SEPTIN6: variants seen among roughly 807,000 people sequenced by gnomAD.
The protein encoded by SEPTIN6 is septin-6.
Under a neutral mutation model 33.6 loss-of-function variants are expected in SEPTIN6, and 8 were observed. The ratio of observed to expected loss-of-function variants is 0.24; its 90% CI spans 0.14 to 0.43. The LOEUF (loss-of-function observed/expected upper bound fraction) is 0.43, where lower values mean the gene tolerates loss of function less well. Among genes scored for constraint, SEPTIN6 ranks in the 20% least tolerant of loss-of-function variants. The probability of loss-of-function intolerance (pLI) is 1.00; values close to 1 mark genes in which losing one functional copy is unlikely to be tolerated. For missense variants in SEPTIN6, 250 were observed against 340.8 expected (o/e 0.73, Z 2.10); for synonymous variants, 131 against 140.0 (o/e 0.94, Z 0.45).
At chrX:119,641,501 A>G (rs2054159120) in intron 5 of SEPTIN6, among the ~76,000 whole-genome samples, 1 of 112,452 alleles carries the variant, frequency 8.9e-6, no homozygotes, top group South Asian at 3.6e-4. Flanking sequence ...ATAGTATGTG[A>G]TCAAGGGCTC....
At position 119,637,112 on chromosome X, in the gene SEPTIN6, G is replaced by C. The variant is rs1793313458; in HGVS notation, c.871C>G (p.His291Asp). The change falls in exon 7 of 11, where the codon CAC becomes GAC. Residue 291 changes from histidine to aspartate, a missense_variant. Coordinates refer to ENST00000394610, the MANE Select transcript of SEPTIN6 (RefSeq NM_145799.4). ...VNMEDLREQT[H>D]TRHYELYRRC... ...CGATACAGCTCATAGTGCCGGGTGTGGGTCTGCTCCCGCAGATCCTCCATG... is the reference window on the plus strand; with the variant it reads ...CGATACAGCTCATAGTGCCGGGTGTCGGTCTGCTCCCGCAGATCCTCCATG... The C allele has an allele frequency of 1.7e-6, 2 of 1,209,116 alleles. No homozygotes were observed. Among genetic ancestry groups the C allele is most frequent in the African/African-American group, 3.5e-5 (2 of 57,077 alleles).
rs1442422868 is a variant in SEPTIN6, at chrX:119,652,955, A to G, written c.427T>C (p.Tyr143His). The G allele has an allele frequency of 8.3e-7, 1 of 1,209,107 alleles. No homozygotes were observed. Among genetic ancestry groups the G allele is most frequent in the Non-Finnish European group, 1.1e-6 (1 of 893,539 alleles). Residue 143 changes from tyrosine to histidine, a missense_variant, in exon 4 of 11, where the codon TAC becomes CAC. By Grantham distance (83) the Tyr-to-His change is moderately conservative (BLOSUM62 2). Around this residue, in one of 2 missense-constraint regions of SEPTIN6, gnomAD observed 111 missense variants for 113.8 expected, o/e 0.98. Transcript: ENST00000394610. ...ELKIRRVLHTYHDSRIHVCLY... is the reference protein window; with the variant it reads ...ELKIRRVLHTHHDSRIHVCLY... ...CAGACATGGATTCGGGAGTCATGGT[A>G]GGTGTGTAGCACTCTTCGGATCTTT... is the stretch of plus-strand genomic sequence containing the variant.
At position 119,618,536 on chromosome X, in the gene SEPTIN6, G is replaced by A. The variant is rs2053700729; in HGVS notation, c.*1557C>T. 2.1e-6 allele frequency: 2 copies of A among 947,707 alleles called. No individual in the cohort carries two copies. The highest frequency in any genetic ancestry group is 4.1e-5 in the African/African-American group (2 of 48,754). 78.1% of individuals were successfully genotyped at this position (947,707 alleles called of 1,213,427 possible). ...CTTTGAAAGTAAGTGATCAAAAAAAGAAACTCTAAAAAAAAAATAGAAGTA... is the reference window on the plus strand; with the variant it reads ...CTTTGAAAGTAAGTGATCAAAAAAAAAAACTCTAAAAAAAAAATAGAAGTA... On this transcript the variant is annotated 3_prime_UTR_variant, in exon 11 of 11. Coordinates refer to ENST00000394610, the MANE Select transcript of SEPTIN6 (RefSeq NM_145799.4).
Position 119,661,303 on chromosome X carries a change from A to C in SEPTIN6, c.341+2179T>G, listed in dbSNP as rs778575244. On this transcript the variant is annotated intron_variant, in intron 3 of 10. Coordinates refer to ENST00000394610, the MANE Select transcript of SEPTIN6 (RefSeq NM_145799.4). The stretch of plus-strand genomic sequence containing the variant: ...AAAATTAGCTGGGTGTGGTGGCACG[A>C]GCCTGTAGTCCCAGCTACTCGGGAG... Among the ~76,000 whole-genome samples the C allele has an allele frequency of 2.0e-4, 21 of 104,965 alleles. No homozygotes were observed. In the South Asian group the frequency reaches 8.8e-3, roughly 44 times the overall value. The allele number at this position is 104,965 out of a possible 115,157, so 91.1% of individuals were successfully genotyped here. A position where few individuals can be genotyped will look rare whatever the true frequency, so the allele number is the denominator to read the frequency against.
chrX:119,629,693 C>A (rs2053925823), intron 8 of SEPTIN6, among the ~76,000 whole-genome samples, 185 bp from the exon 9 acceptor site: 1 of 111,685 alleles, frequency 9.0e-6, no homozygotes, highest in Admixed American at 9.6e-5. Flanking sequence ...GTTCTCTCTT[C>A]CTGCCATTTT....
rs778622773 is a variant in SEPTIN6, at chrX:119,651,769, C to T, written c.528+1085G>A. 3.5e-5 allele frequency among the ~76,000 whole-genome samples: 4 copies of T among 112,753 alleles called. No individual in the cohort carries two copies. In the South Asian group the frequency reaches 1.4e-3, roughly 41 times the overall value. ...CTGCAGCCATGTGGCTCACCAATGC[C>T]CCTATACAGGACATGCAGGGCATGG... is the stretch of plus-strand genomic sequence containing the variant. On this transcript the variant is annotated intron_variant, in intron 4 of 10. Transcript: ENST00000394610.
Position 119,637,185 on chromosome X carries a change from C to T in SEPTIN6, c.798G>A (p.Glu266=), listed in dbSNP as rs1430568166. 8.3e-7 allele frequency: 1 copy of T among 1,210,939 alleles called. No individual in the cohort carries two copies. The highest frequency in any genetic ancestry group is 1.1e-6 in the Non-Finnish European group (1 of 894,818). ...YPWGTVQVEN[E]AHCDFVKLRE... Reference sequence around the variant, plus strand: ...GCAGCTTCACAAAGTCGCAGTGGGCCTCGTTTTCAACTGCATAGCAGGATT... The same window carrying T: ...GCAGCTTCACAAAGTCGCAGTGGGCTTCGTTTTCAACTGCATAGCAGGATT... The change falls in exon 7 of 11, where the codon GAG becomes GAA. Residue 266 remains glutamate, a synonymous_variant. Transcript: ENST00000394610.
At chrX:119,645,796 C>G (rs1307326464) in intron 5 of SEPTIN6, among the ~76,000 whole-genome samples, 1 of 111,451 alleles carries the variant, frequency 9.0e-6, no homozygotes, top group Non-Finnish European at 1.9e-5. Context: ...TCCCAAAGTG[C>G]TGGGATTACA....
chrX:119,660,034 A>G (rs1337935537), intron 3 of SEPTIN6, among the ~76,000 whole-genome samples: 2 of 110,708 alleles, frequency 1.8e-5, no homozygotes, highest in African/African-American at 3.3e-5. Flanking sequence ...CACCATGCCC[A>G]GCTAATTTTT....
Position 119,632,503 on chromosome X carries a change from A to AT in SEPTIN6, c.1089+856dup, listed in dbSNP as rs1404802062. 2.9e-4 allele frequency among the ~76,000 whole-genome samples: 29 copies of AT among 99,416 alleles called. No homozygotes were observed. The South Asian group carries it at 5.6e-3, about 19-fold the overall frequency. The allele number at this position is 99,416 out of a possible 115,157, so 86.3% of individuals were successfully genotyped here. On this transcript the variant is annotated intron_variant, in intron 8 of 10. Coordinates refer to ENST00000394610, the MANE Select transcript of SEPTIN6 (RefSeq NM_145799.4). ...GAGCCACCGCGCCCAGCCAACAGAC[A>AT]TTTTTTTTTTTTAAGTGAAACTGAA...
intron 4 of SEPTIN6, among the ~76,000 whole-genome samples, chrX:119,651,754 G>A (rs1280117560): frequency 8.9e-6 from 1 of 112,649 alleles, no homozygotes; most frequent in Non-Finnish European, 1.9e-5. Flanking sequence ...CTGCAGCCAT[G>A]TGGCTCACCA....
At chrX:119,668,300 A>C (rs552550312) in intron 2 of SEPTIN6, among the ~76,000 whole-genome samples, 88 of 99,888 alleles carry the variant, frequency 8.8e-4, no homozygotes, top group African/African-American at 3.3e-3. Flanking sequence ...TGTCTAAGAA[A>C]GAAAGGAAAG....
intron 3 of SEPTIN6, 100 bp from the exon 4 acceptor site, chrX:119,653,140 T>C: frequency 1.5e-6 from 1 of 654,109 alleles, no homozygotes; most frequent in South Asian, 2.8e-5. Flanking sequence ...ATCTTGACTC[T>C]CTCCCATCCA....
chrX:119,635,407 A>C (rs2147481900), intron 7 of SEPTIN6, among the ~76,000 whole-genome samples: 1 of 111,078 alleles, frequency 9.0e-6, no homozygotes, highest in South Asian at 3.8e-4. Flanking sequence ...AAGAGAACAG[A>C]AAGTGAAAGG....
At chrX:119,626,755 C>T (rs954996733) in intron 9 of SEPTIN6, among the ~76,000 whole-genome samples, 1 of 110,014 alleles carries the variant, frequency 9.1e-6, no homozygotes, top group African/African-American at 3.3e-5. Context: ...GTGGCATGAT[C>T]TTGGTTCTGC....
rs780240456 is a variant in SEPTIN6 at position 119,661,363 on chromosome X, G to A, written c.341+2119C>T. On this transcript the variant is annotated intron_variant, in intron 3 of 10. Coordinates refer to ENST00000394610, the MANE Select transcript of SEPTIN6 (RefSeq NM_145799.4). ...GGAGAATGGCGTGAACCCAGGAGGCGGAGCTTGCAGTGAGCTGAGATCACA... is the reference window on the plus strand; with the variant it reads ...GGAGAATGGCGTGAACCCAGGAGGCAGAGCTTGCAGTGAGCTGAGATCACA... Among the ~76,000 whole-genome samples, 210 of 110,853 alleles carry A rather than the reference G, an allele frequency of 1.9e-3. 1 individual carries two copies. Among genetic ancestry groups the A allele is most frequent in the Non-Finnish European group, 3.4e-3 (179 of 52,974 alleles).
intron 2 of SEPTIN6, among the ~76,000 whole-genome samples, chrX:119,670,326 G>A (rs1040242207): frequency 1.8e-5 from 2 of 110,413 alleles, no homozygotes; most frequent in African/African-American, 6.6e-5. Context: ...GGGAGGTCCA[G>A]GTGGGCGGAT....
intron 2 of SEPTIN6, among the ~76,000 whole-genome samples, chrX:119,674,669 C>T (rs2054812313): frequency 9.0e-6 from 1 of 111,398 alleles, no homozygotes; most frequent in Non-Finnish European, 1.9e-5. Flanking sequence ...CAGGTAAGTC[C>T]CTTATCCTCC....
chrX:119,645,800 G>A (rs2054246589), intron 5 of SEPTIN6, among the ~76,000 whole-genome samples: 1 of 111,406 alleles, frequency 9.0e-6, no homozygotes, highest in Non-Finnish European at 1.9e-5. Context: ...AAAGTGCTGG[G>A]ATTACACGTG....
Sources: allele counts gnomAD v4.1 joint callset (sites outside exome capture counted in the v4.1 genomes callset), GRCh38; gene constraint gnomAD v4.1.1; regional missense constraint gnomAD v4.1.1; transcripts MANE v1.5; gene names NCBI Gene and HGNC (gene_info 2026-07-23, HGNC 2026-07-21).